The following DAPK1 variants were observed in gnomAD, a reference collection of about 807,000 sequenced individuals.
DAPK1 encodes the protein death-associated protein kinase 1.
DAPK1 carries 56 observed loss-of-function variants against 144.9 expected under a neutral mutation model. That is an observed-to-expected ratio of 0.39 (90% CI 0.31 to 0.48). The LOEUF is 0.48. DAPK1 is among the 20% of genes least tolerant of loss of function. The pLI is 0.95. For synonymous variants in DAPK1, 690 were observed against 749.0 expected (o/e 0.92, Z 1.29); for missense variants, 1,454 against 1,875.4 (o/e 0.78, Z 4.15).
chr9:87,690,725 T>C (rs1825026741), intron 21 of DAPK1, among the ~76,000 whole-genome samples: 2 of 152,086 alleles, frequency 1.3e-5, no homozygotes, highest in Non-Finnish European at 2.9e-5. Flanking sequence ...GATATGTTCC[T>C]TCTATACCTA....
intron 2 of DAPK1, among the ~76,000 whole-genome samples, chr9:87,522,506 C>A (rs929707692): frequency 6.6e-6 from 1 of 152,120 alleles, no homozygotes; most frequent in Non-Finnish European, 1.5e-5. Flanking sequence ...GAAGACATGC[C>A]TTTTTCTTCT....
intron 17 of DAPK1, among the ~76,000 whole-genome samples, chr9:87,654,347 G>GT (rs1830560380): frequency 6.6e-6 from 1 of 152,146 alleles, no homozygotes; most frequent in Non-Finnish European, 1.5e-5. Context: ...TTCAGGAAAT[G>GT]TTTATCAATG....
At chr9:87,699,800 T>G (rs908370176) in intron 23 of DAPK1, among the ~76,000 whole-genome samples, 30 of 152,238 alleles carry the variant, frequency 2.0e-4, no homozygotes, top group African/African-American at 7.0e-4. Context: ...TCCTCACTTG[T>G]AAGGTGCGAG....
At chr9:87,675,731 G>T (rs1400870677) in intron 19 of DAPK1, among the ~76,000 whole-genome samples, 5 of 151,942 alleles carry the variant, frequency 3.3e-5, no homozygotes, top group African/African-American at 4.8e-5. Flanking sequence ...TTGGACTGGG[G>T]CTGTCCAGGC....
intron 18 of DAPK1, chr9:87,668,377 C>T (rs912860718): frequency 1.8e-6 from 1 of 552,186 alleles, no homozygotes; most frequent in Non-Finnish European, 3.2e-6. Context: ...AAGACACCAA[C>T]ATGTGCTTTG....
chr9:87,617,220 A>G (rs764503139), intron 3 of DAPK1, among the ~76,000 whole-genome samples: 1 of 152,220 alleles, frequency 6.6e-6, no homozygotes, highest in African/African-American at 2.4e-5. Flanking sequence ...AAAAGGGAGT[A>G]CATTTTTTTG....
intron 2 of DAPK1, among the ~76,000 whole-genome samples, chr9:87,540,200 T>G (rs1271732332): frequency 7.0e-6 from 1 of 141,848 alleles, no homozygotes; most frequent in African/African-American, 2.6e-5. Context: ...TTTTTTTTTT[T>G]TTTTTTTGAG....
chr9:87,545,792 G>C (rs532996765), intron 2 of DAPK1, among the ~76,000 whole-genome samples: 1 of 151,854 alleles, frequency 6.6e-6, no homozygotes, highest in East Asian at 1.9e-4. Flanking sequence ...TGATCCACCC[G>C]CCTCAGCCTC....
At chr9:87,642,994 G>A (rs1162096923) in intron 10 of DAPK1, among the ~76,000 whole-genome samples, 2 of 152,122 alleles carry the variant, frequency 1.3e-5, no homozygotes, top group Non-Finnish European at 2.9e-5. Flanking sequence ...CACAGAGCAA[G>A]GCCCCTGCAG....
intron 3 of DAPK1, among the ~76,000 whole-genome samples, chr9:87,631,439 A>G (rs944524109): frequency 1.3e-5 from 2 of 152,156 alleles, no homozygotes; most frequent in Non-Finnish European, 2.9e-5. Flanking sequence ...TGGTAGTAAA[A>G]GACATGTTGG....
intron 2 of DAPK1, among the ~76,000 whole-genome samples, chr9:87,555,195 T>G (rs1826661294): frequency 1.3e-5 from 2 of 152,194 alleles, no homozygotes; most frequent in Non-Finnish European, 2.9e-5. Flanking sequence ...CTAAACCTCA[T>G]GGTCCCAGAA....
chr9:87,602,176 G>T (rs1828546335), intron 2 of DAPK1, among the ~76,000 whole-genome samples: 1 of 152,156 alleles, frequency 6.6e-6, no homozygotes, highest in Non-Finnish European at 1.5e-5. Context: ...CTTAAAAGAG[G>T]TGACATTGCA....
At chr9:87,564,167 A>T (rs1827030954) in intron 2 of DAPK1, among the ~76,000 whole-genome samples, 1 of 152,134 alleles carries the variant, frequency 6.6e-6, no homozygotes, top group African/African-American at 2.4e-5. Flanking sequence ...GTTTAGTCTG[A>T]TGCTGACCTC....
chr9:87,618,692 G>T (rs1326271881), intron 3 of DAPK1, among the ~76,000 whole-genome samples: 1 of 152,172 alleles, frequency 6.6e-6, no homozygotes, highest in African/African-American at 2.4e-5. Flanking sequence ...GACATGAACT[G>T]TCCAGAGTAG....
chr9:87,655,085 G>A (rs1463622937), intron 17 of DAPK1, among the ~76,000 whole-genome samples: 1 of 152,206 alleles, frequency 6.6e-6, no homozygotes, highest in Non-Finnish European at 1.5e-5. Context: ...TGTACATAGA[G>A]GGCCTTCTGT....
At chr9:87,662,570 T>TTTTTTTG (rs1830896489) in intron 18 of DAPK1, among the ~76,000 whole-genome samples, 2 of 135,792 alleles carry the variant, frequency 1.5e-5, no homozygotes, top group South Asian at 2.4e-4. Context: ...GTTTTTTTTT[T>TTTTTTTG]TTTTTTTTTT....
chr9:87,706,722 C>T lies in DAPK1; in HGVS notation c.3651C>T (p.Ser1217=). 6.2e-7 allele frequency: 1 copy of T among 1,612,982 alleles called. No individual in the cohort carries two copies. Among genetic ancestry groups the T allele is most frequent in the Non-Finnish European group, 8.5e-7 (1 of 1,179,588 alleles). The change falls in exon 26 of 26, where the codon AGC becomes AGT. Residue 1217 remains serine (S), a synonymous_variant. Coordinates refer to ENST00000408954, the MANE Select transcript of DAPK1 (RefSeq NM_004938.4). This position sits in a 1 kb window ranked among gnomAD's most constrained non-coding sequence, Gnocchi z 9.0. ...KCCLLLDSVC[S]TIENVMATTL... ...GCCTGCTGCTGGACTCGGTGTGCAG[C>T]ACCATTGAGAACGTCATGGCCACCA... is the stretch of plus-strand genomic sequence containing the variant.
intron 2 of DAPK1, among the ~76,000 whole-genome samples, chr9:87,598,609 T>C (rs1194478510): frequency 6.6e-6 from 1 of 152,168 alleles, no homozygotes; most frequent in East Asian, 1.9e-4. Flanking sequence ...AGACATTAAT[T>C]GTCATGTCCA....
In DAPK1 at chr9:87,703,196, G is replaced by A; in HGVS notation, c.3039G>A (p.Gln1013=). ...ASEEDLRRIA[Q]QLHSTGEINI... ...AGGAGGACCTCAGGCGCATTGCTCA[G>A]CAGCTCCACAGCACAGGCGAGGTGA... is the stretch of plus-strand genomic sequence containing the variant. Residue 1013 remains glutamine (Q), a synonymous_variant, in exon 25 of 26, where the codon CAG becomes CAA. Transcript: ENST00000408954. 1 of 1,611,330 alleles carries A rather than the reference G, an allele frequency of 6.2e-7. No homozygotes were observed. Among genetic ancestry groups the A allele is most frequent in the Admixed American group, 1.7e-5 (1 of 60,026 alleles).
Sources: gnomAD v4.1 joint callset for allele counts (sites outside exome capture counted in the v4.1 genomes callset) on GRCh38, gnomAD v4.1.1 for gene constraint, Gnocchi (gnomAD v3.1) non-coding constraint, MANE v1.5 for transcripts, NCBI Gene and HGNC (gene_info 2026-07-23, HGNC 2026-07-21) for gene names.